The following ALPK1 variants were observed in gnomAD, a reference collection of about 807,000 sequenced individuals.
ALPK1 encodes the protein alpha-protein kinase 1.
In ALPK1, 110 loss-of-function variants were observed where a neutral mutation model predicts 120.6. The ratio of observed to expected loss-of-function variants is 0.91; its 90% CI spans 0.78 to 1.07. The LOEUF is 1.07. Among genes scored for constraint, ALPK1 ranks in the 50% least tolerant of loss-of-function variants. ALPK1 has a pLI of 0.00. For synonymous variants in ALPK1, 582 were observed against 560.3 expected, an observed-to-expected ratio of 1.04 and a Z score of -0.55; for missense variants, 1,498 against 1,483.9, an observed-to-expected ratio of 1.01 and a Z score of -0.16.
chr4:112,402,107 G>A (rs545412315), intron 4 of ALPK1, among the ~76,000 whole-genome samples: 4 of 152,232 alleles, frequency 2.6e-5, no homozygotes, highest in Admixed American at 6.5e-5. Flanking sequence ...ATCACTTTTC[G>A]TGTGTTTATT....
chr4:112,323,512 C>T (rs1728957491), intron 2 of ALPK1, among the ~76,000 whole-genome samples: 1 of 152,082 alleles, frequency 6.6e-6, no homozygotes, highest in African/African-American at 2.4e-5. Flanking sequence ...TTATTGGTGC[C>T]ACAAATCTTA....
chr4:112,377,695 G>A lies in ALPK1; in HGVS notation c.-83G>A. On this transcript the variant is annotated 5_prime_UTR_variant, in exon 3 of 16. Coordinates refer to ENST00000650871, the MANE Select transcript of ALPK1 (RefSeq NM_025144.4). Reference sequence around the variant, plus strand: ...TTCACCAGGTACTTCGGCCTTCAAGGGGCTCCTTTATTGAGAATCAATGTC... The same window carrying A: ...TTCACCAGGTACTTCGGCCTTCAAGAGGCTCCTTTATTGAGAATCAATGTC... 1 of 1,350,642 alleles carries A rather than the reference G, an allele frequency of 7.4e-7. No individual in the cohort carries two copies. Among genetic ancestry groups the A allele is most frequent in the Non-Finnish European group, 9.8e-7 (1 of 1,022,314 alleles). 83.7% of individuals were successfully genotyped at this position (1,350,642 alleles called of 1,614,324 possible). A position where few individuals can be genotyped will look rare whatever the true frequency, so the allele number is the denominator to read the frequency against.
chr4:112,368,608 C>A (rs1205056353), intron 2 of ALPK1, among the ~76,000 whole-genome samples: 1 of 152,184 alleles, frequency 6.6e-6, no homozygotes, highest in African/African-American at 2.4e-5. Flanking sequence ...TTTAGTCACA[C>A]CAGTTGACTG....
chr4:112,433,944 T>C (rs1378124659), intron 11 of ALPK1, among the ~76,000 whole-genome samples: 1 of 152,206 alleles, frequency 6.6e-6, no homozygotes, highest in Admixed American at 6.5e-5. Flanking sequence ...CTGGTGATTC[T>C]GCTTAAAGCC....
intron 4 of ALPK1, among the ~76,000 whole-genome samples, chr4:112,392,345 A>G (rs982790727): frequency 6.6e-6 from 1 of 152,064 alleles, no homozygotes; most frequent in Admixed American, 6.5e-5. Flanking sequence ...ACTTCCCCCC[A>G]ACCCTCATAT....
At chr4:112,379,030 T>C (rs534231003) in intron 3 of ALPK1, among the ~76,000 whole-genome samples, 8 of 152,350 alleles carry the variant, frequency 5.3e-5, no homozygotes, top group African/African-American at 1.9e-4. Context: ...GGCAGGTACT[T>C]GGCACCTATA....
intron 1 of ALPK1, among the ~76,000 whole-genome samples, chr4:112,306,841 T>G (rs1284839889): frequency 6.6e-6 from 1 of 152,118 alleles, no homozygotes; most frequent in Non-Finnish European, 1.5e-5. Flanking sequence ...AATTGTGATG[T>G]TAGGATGTCA....
intron 2 of ALPK1, chr4:112,356,943 C>G: frequency 1.3e-6 from 1 of 761,620 alleles, no homozygotes; most frequent in Non-Finnish European, 2.4e-6. Context: ...CCCCATGACC[C>G]GAGTTCGGGA....
At chr4:112,408,919 G>C (rs1272698116) in intron 4 of ALPK1, among the ~76,000 whole-genome samples, 3 of 152,142 alleles carry the variant, frequency 2.0e-5, no homozygotes, top group African/African-American at 7.2e-5. Context: ...ACACATAAAA[G>C]GGGATGTGTA....
At chr4:112,387,258 T>C (rs919953559) in intron 4 of ALPK1, among the ~76,000 whole-genome samples, 1 of 152,196 alleles carries the variant, frequency 6.6e-6, no homozygotes, top group Admixed American at 6.5e-5. Context: ...TGAATTAAAA[T>C]AAAATATGAA....
chr4:112,372,556 C>G (rs10007654), intron 2 of ALPK1, among the ~76,000 whole-genome samples: 1 of 151,958 alleles, frequency 6.6e-6, no homozygotes, highest in Non-Finnish European at 1.5e-5. Context: ...AATTATATAT[C>G]TTTATGGTCA....
At chr4:112,358,318 C>T (rs1034919850) in intron 2 of ALPK1, 30 of 596,094 alleles carry the variant, frequency 5.0e-5, no homozygotes, top group East Asian at 2.8e-4. Flanking sequence ...TCATCCAAGA[C>T]GTAGCCCAGT....
chr4:112,365,380 G>A (rs1475219149), intron 2 of ALPK1, among the ~76,000 whole-genome samples: 2 of 152,278 alleles, frequency 1.3e-5, no homozygotes, highest in East Asian at 3.9e-4. Flanking sequence ...CAAAATTAAT[G>A]TACACAAATC....
intron 3 of ALPK1, among the ~76,000 whole-genome samples, chr4:112,378,322 C>T (rs1731757642): frequency 6.6e-6 from 1 of 152,170 alleles, no homozygotes; most frequent in African/African-American, 2.4e-5. Context: ...CGTCATCTCA[C>T]CAGTCCAATC....
intron 2 of ALPK1, among the ~76,000 whole-genome samples, chr4:112,372,501 G>T (rs754387347): frequency 6.6e-6 from 1 of 152,030 alleles, no homozygotes; most frequent in Non-Finnish European, 1.5e-5. Flanking sequence ...GAGCCACCAC[G>T]CCTGGCCTAC....
intron 1 of ALPK1, among the ~76,000 whole-genome samples, chr4:112,307,087 T>C (rs373611232): frequency 5.1e-4 from 78 of 152,016 alleles, no homozygotes; most frequent in Admixed American, 9.2e-4. Flanking sequence ...ATCCTGAGTT[T>C]TAGTTTGATT....
chr4:112,350,699 C>T (rs1190013574), intron 2 of ALPK1, among the ~76,000 whole-genome samples: 3 of 152,214 alleles, frequency 2.0e-5, no homozygotes, highest in Non-Finnish European at 4.4e-5. Context: ...TCCTGATCTT[C>T]TCTGTCATAG....
chr4:112,350,844 A>AT (rs1339077296), intron 2 of ALPK1, among the ~76,000 whole-genome samples: 20 of 152,198 alleles, frequency 1.3e-4, no homozygotes, highest in African/African-American at 4.8e-4. Context: ...TTTATGAAAT[A>AT]TTTTCCCCTA....
chr4:112,313,394 G>GT (rs1008559915), intron 1 of ALPK1, among the ~76,000 whole-genome samples: 24 of 152,094 alleles, frequency 1.6e-4, no homozygotes, highest in Admixed American at 5.2e-4. Flanking sequence ...TATGTCACAT[G>GT]TTTTTGGCAC....
Sources: allele counts gnomAD v4.1 joint callset (sites outside exome capture counted in the v4.1 genomes callset), GRCh38; gene constraint gnomAD v4.1.1; transcripts MANE v1.5; gene names NCBI Gene and HGNC (gene_info 2026-07-23, HGNC 2026-07-21).